Variants in PIGL observed in about 807,000 individuals in gnomAD.
PIGL encodes phosphatidylinositol glycan anchor biosynthesis class L.
PIGL carries 22 observed loss-of-function variants against 31.1 expected under a neutral mutation model. That is an observed-to-expected ratio of 0.71 (90% confidence interval 0.51 to 1.01). The LOEUF is 1.01. Among genes scored for constraint, PIGL ranks in the 50% least tolerant of loss-of-function variants. The probability of loss-of-function intolerance (pLI) is 0.00; values close to 1 mark genes in which losing one functional copy is unlikely to be tolerated. For missense variants in PIGL, 302 were observed against 315.9 expected (o/e 0.96, Z 0.33); for synonymous variants, 131 against 117.4 (o/e 1.12, Z -0.75).
intron 6 of PIGL, among the ~76,000 whole-genome samples, chr17:16,322,903 G>A (rs1007594690): frequency 6.6e-6 from 1 of 152,162 alleles, no homozygotes; most frequent in Non-Finnish European, 1.5e-5. Flanking sequence ...TAAGGATGAT[G>A]CTGAGTGCTG....
rs115504867 is a variant in PIGL, at chr17:16,325,843, G to A, written c.704G>A (p.Arg235His). Residue 235 changes from arginine to histidine, a missense_variant, in exon 7 of 7, where the codon CGC becomes CAC. Coordinates refer to ENST00000225609, the MANE Select transcript of PIGL (RefSeq NM_004278.4). ...CGCAGCCAGCTCCTCTGGTTCCGCC[G>A]CCTCTACATTATCTTCTCCCGGTAC... ...CHRSQLLWFRRLYIIFSRYMR... is the reference protein window; with the variant it reads ...CHRSQLLWFRHLYIIFSRYMR... The A allele has an allele frequency of 1.7e-4, 268 of 1,613,930 alleles. 1 individual carries two copies. In the African/African-American group the frequency reaches 3.0e-3, roughly 18 times the overall value.
At chr17:16,299,652 T>A (rs539592948) in intron 2 of PIGL, among the ~76,000 whole-genome samples, 54 of 152,336 alleles carry the variant, frequency 3.5e-4, no homozygotes, top group African/African-American at 1.3e-3. Flanking sequence ...TGATGTTGTT[T>A]CTTACCCTCA....
intron 2 of PIGL, among the ~76,000 whole-genome samples, chr17:16,262,393 T>A (rs1197095014): frequency 6.6e-6 from 1 of 152,204 alleles, no homozygotes; most frequent in Non-Finnish European, 1.5e-5. Flanking sequence ...CACTCACACC[T>A]ACATAAATTT....
intron 2 of PIGL, among the ~76,000 whole-genome samples, chr17:16,273,194 A>G (rs1324682311): frequency 1.3e-5 from 2 of 152,138 alleles, no homozygotes; most frequent in Admixed American, 6.5e-5. Context: ...ACAGCACACA[A>G]AGGTACCATG....
rs905515531 is a variant in PIGL, at chr17:16,260,284, C to T, written c.335+26214C>T. On this transcript the variant is annotated intron_variant, in intron 2 of 6. Transcript: ENST00000225609. ...TGAAGCCCCACCTTCAAGCCAGTGA[C>T]AGCCTGAAGCCTGTGGGCTGGGCTG... Among the ~76,000 whole-genome samples, 5 of 152,234 alleles carry T rather than the reference C, an allele frequency of 3.3e-5. 1 individual carries two copies. The highest frequency in any genetic ancestry group is 3.3e-4 in the Admixed American group (5 of 15,288).
At chr17:16,267,882 G>A (rs967052357) in intron 2 of PIGL, among the ~76,000 whole-genome samples, 4 of 152,086 alleles carry the variant, frequency 2.6e-5, no homozygotes, top group Non-Finnish European at 5.9e-5. Flanking sequence ...TAAAGAAGGT[G>A]TCCCAGGCTC....
chr17:16,229,898 T>C (rs2092671222), intron 1 of PIGL, among the ~76,000 whole-genome samples: 1 of 129,572 alleles, frequency 7.7e-6, no homozygotes, highest in Non-Finnish European at 1.6e-5. Context: ...AGTCTCGCTC[T>C]GTCACCAGGC....
intron 2 of PIGL, among the ~76,000 whole-genome samples, chr17:16,257,478 G>A (rs1164684005): frequency 6.6e-6 from 1 of 152,100 alleles, no homozygotes; most frequent in Non-Finnish European, 1.5e-5. Context: ...GTGAGCCTCT[G>A]AAGATGCCTC....
chr17:16,282,158 T>C, intron 2 of PIGL: 1 of 429,324 alleles, frequency 2.3e-6, no homozygotes, highest in Non-Finnish European at 5.2e-6. Context: ...AATTAGCACA[T>C]ATCCCAAATT....
chr17:16,311,255 T>G (rs1480179735), intron 3 of PIGL, among the ~76,000 whole-genome samples: 3 of 150,014 alleles, frequency 2.0e-5, no homozygotes, highest in African/African-American at 7.4e-5. Flanking sequence ...TTATTTGAGT[T>G]AGCCTTATTA....
rs1390701969 is a variant in PIGL, at chr17:16,299,894, C to T, written c.342C>T (p.Phe114=). ...TTGTGCTTCTCTCTTGTAGGGATTT[C>T]CCAGATGACCCAGGCATGCAGTGGG... The part of the protein sequence containing the change: ...SSVMIIDNRD[F]PDDPGMQWDT... Residue 114 remains phenylalanine, a synonymous_variant, in exon 3 of 7, where the codon TTC becomes TTT. Transcript: ENST00000225609. The T allele has an allele frequency of 6.2e-6, 10 of 1,612,754 alleles. No homozygotes were observed. Among genetic ancestry groups the T allele is most frequent in the Non-Finnish European group, 8.5e-6 (10 of 1,178,838 alleles).
At chr17:16,269,224 G>C (rs1568811484) in intron 2 of PIGL, among the ~76,000 whole-genome samples, 1 of 152,256 alleles carries the variant, frequency 6.6e-6, no homozygotes, top group Non-Finnish European at 1.5e-5. Context: ...CATGTGGTCT[G>C]TCATCTCTGC....
chr17:16,249,649 C>G (rs1006173495), intron 2 of PIGL, among the ~76,000 whole-genome samples: 3 of 152,208 alleles, frequency 2.0e-5, no homozygotes, highest in Non-Finnish European at 4.4e-5. Context: ...GAGAAACAAG[C>G]AGGCCACTGG....
chr17:16,236,094 C>A (rs2092698764), intron 2 of PIGL, among the ~76,000 whole-genome samples: 1 of 152,080 alleles, frequency 6.6e-6, no homozygotes, highest in Admixed American at 6.6e-5. Context: ...TTAATTAAGG[C>A]TACTTAGTTA....
In PIGL at chr17:16,326,197, C is replaced by A; in HGVS notation, c.*299C>A. 2.8e-6 allele frequency: 1 copy of A among 352,388 alleles called. No homozygotes were observed. The allele number at this position is 352,388 out of a possible 1,614,324, so 21.8% of individuals were successfully genotyped here. A position where few individuals can be genotyped will look rare whatever the true frequency, so the allele number is the denominator to read the frequency against. On this transcript the variant is annotated 3_prime_UTR_variant, in exon 7 of 7. Transcript: ENST00000225609. The stretch of plus-strand genomic sequence containing the variant: ...GACACAGTAGATGTGGAACACCTAG[C>A]CCAGTGCCTGGGCAGGTCCCTATTA...
At chr17:16,300,116 C>A (rs2092998268) in intron 3 of PIGL, 138 bp downstream of exon 3, 2 of 646,156 alleles carry the variant, frequency 3.1e-6, no homozygotes, top group South Asian at 1.8e-5. Flanking sequence ...GCCAGAACTT[C>A]CAATGCTCAC....
intron 1 of PIGL, among the ~76,000 whole-genome samples, chr17:16,232,371 CCTGT>C (rs1190955519): frequency 6.6e-6 from 1 of 152,136 alleles, no homozygotes; most frequent in Non-Finnish European, 1.5e-5. Flanking sequence ...CTAGGGTGCA[CCTGT>C]CTTAGTTGGA....
intron 2 of PIGL, among the ~76,000 whole-genome samples, chr17:16,265,947 C>A (rs892278843): frequency 2.0e-5 from 3 of 151,962 alleles, no homozygotes; most frequent in Admixed American, 2.0e-4. Context: ...TCAGTACTAA[C>A]CATGAGGAAG....
At chr17:16,237,822 A>AG (rs1482250362) in intron 2 of PIGL, among the ~76,000 whole-genome samples, 3 of 151,798 alleles carry the variant, frequency 2.0e-5, no homozygotes, top group East Asian at 3.9e-4. Context: ...AAAAAAAAAA[A>AG]AAATTGAATC....
Sources: allele counts gnomAD v4.1 joint callset (sites outside exome capture counted in the v4.1 genomes callset), GRCh38; gene constraint gnomAD v4.1.1; transcripts MANE v1.5; gene names NCBI Gene and HGNC (gene_info 2026-07-23, HGNC 2026-07-21).